Variants in BRINP3 observed in about 807,000 individuals in gnomAD.
BRINP3 encodes BMP/retinoic acid-inducible neural-specific protein 3.
A neutral mutation model predicts 71.0 loss-of-function variants in BRINP3; 19 were observed. That is an observed-to-expected ratio of 0.27 (90% CI 0.19 to 0.39). BRINP3 has a LOEUF of 0.39. Among genes scored for constraint, BRINP3 ranks in the 10% least tolerant of loss-of-function variants. BRINP3 has a pLI of 1.00. For missense variants in BRINP3, 959 were observed against 940.8 expected, an observed-to-expected ratio of 1.02 and a Z score of -0.25; for synonymous variants, 380 against 337.7, an observed-to-expected ratio of 1.13 and a Z score of -1.37.
chr1:190,154,633 T>A (rs951433716), intron 7 of BRINP3, among the ~76,000 whole-genome samples: 1 of 152,086 alleles, frequency 6.6e-6, no homozygotes, highest in Non-Finnish European at 1.5e-5. Flanking sequence ...CAGAAAGAAA[T>A]GTTTTCAAGA....
chr1:190,179,271 C>T (rs1288478752), intron 6 of BRINP3, among the ~76,000 whole-genome samples: 1 of 152,094 alleles, frequency 6.6e-6, no homozygotes, highest in Non-Finnish European at 1.5e-5. Context: ...AATAGAAACA[C>T]CTTGCCAGGG....
At chr1:190,254,748 A>C (rs1660490600) in intron 4 of BRINP3, among the ~76,000 whole-genome samples, 1 of 152,082 alleles carries the variant, frequency 6.6e-6, no homozygotes, top group Non-Finnish European at 1.5e-5. Context: ...TCTTTTCCTA[A>C]TTTGATACCA....
At chr1:190,301,770 C>A (rs1571685371) in intron 2 of BRINP3, among the ~76,000 whole-genome samples, 1 of 151,846 alleles carries the variant, frequency 6.6e-6, no homozygotes, top group East Asian at 1.9e-4. Flanking sequence ...CATAACTATA[C>A]AAAAGTGTTA....
At chr1:190,222,012 A>G (rs1396349327) in intron 6 of BRINP3, among the ~76,000 whole-genome samples, 1 of 152,060 alleles carries the variant, frequency 6.6e-6, no homozygotes, top group Non-Finnish European at 1.5e-5. Flanking sequence ...CATATCATCC[A>G]GACAGAAAAT....
At chr1:190,432,914 T>C (rs2102516314) in intron 2 of BRINP3, among the ~76,000 whole-genome samples, 1 of 152,302 alleles carries the variant, frequency 6.6e-6, no homozygotes, top group South Asian at 2.1e-4. Flanking sequence ...AAACATAGTC[T>C]ATGTTTGCTT....
chr1:190,315,050 A>G (rs964994633), intron 2 of BRINP3, among the ~76,000 whole-genome samples: 5 of 152,120 alleles, frequency 3.3e-5, no homozygotes, highest in African/African-American at 4.8e-5. Context: ...GTGAAGTTTT[A>G]TAAACTCAGA....
intron 2 of BRINP3, among the ~76,000 whole-genome samples, chr1:190,345,350 T>C (rs1047508034): frequency 6.6e-6 from 1 of 151,678 alleles, no homozygotes; most frequent in African/African-American, 2.4e-5. Context: ...ATTGAAGCAA[T>C]AGTTTAGAGC....
intron 2 of BRINP3, among the ~76,000 whole-genome samples, chr1:190,438,503 T>C (rs1350524698): frequency 1.3e-5 from 2 of 151,852 alleles, no homozygotes; most frequent in African/African-American, 4.8e-5. Context: ...GGGAAACTTA[T>C]ACTGTAGCTA....
chr1:190,198,614 T>A (rs970689179), intron 6 of BRINP3, among the ~76,000 whole-genome samples: 1 of 152,132 alleles, frequency 6.6e-6, no homozygotes, highest in Non-Finnish European at 1.5e-5. Flanking sequence ...GTTTCACAAA[T>A]CTCTAGGGCA....
chr1:190,315,011 T>C (rs1006572725), intron 2 of BRINP3, among the ~76,000 whole-genome samples: 2 of 152,110 alleles, frequency 1.3e-5, no homozygotes, highest in African/African-American at 4.8e-5. Context: ...ATAAGGTATG[T>C]GTTTAAGACA....
intron 7 of BRINP3, among the ~76,000 whole-genome samples, chr1:190,141,470 A>T (rs1655424167): frequency 6.6e-6 from 1 of 151,440 alleles, no homozygotes; most frequent in Non-Finnish European, 1.5e-5. Context: ...CAATTTTATA[A>T]CTGTATAACC....
At chr1:190,196,179 T>TA (rs1203348143) in intron 6 of BRINP3, among the ~76,000 whole-genome samples, 10 of 152,288 alleles carry the variant, frequency 6.6e-5, no homozygotes, top group African/African-American at 2.4e-4. Context: ...CTTCCAGGTC[T>TA]CAGTTATGCT....
At chr1:190,393,839 G>A (rs572282875) in intron 2 of BRINP3, among the ~76,000 whole-genome samples, 5 of 151,594 alleles carry the variant, frequency 3.3e-5, no homozygotes, top group African/African-American at 7.2e-5. Context: ...TGCACTCACC[G>A]CAGAATTTCA....
At chr1:190,209,149 T>G (rs1655772396) in intron 6 of BRINP3, among the ~76,000 whole-genome samples, 1 of 152,104 alleles carries the variant, frequency 6.6e-6, no homozygotes, top group Admixed American at 6.6e-5. Context: ...ACCAATCTGT[T>G]TTACTCACAG....
At chr1:190,141,549 TCTTTC>T (rs970305401) in intron 7 of BRINP3, among the ~76,000 whole-genome samples, 2 of 145,054 alleles carry the variant, frequency 1.4e-5, no homozygotes, top group African/African-American at 5.1e-5. Context: ...TCTCTTTCTT[TCTTTC>T]CTTTTTTTTT....
chr1:190,188,286 G>A (rs540635885), intron 6 of BRINP3, among the ~76,000 whole-genome samples: 1 of 152,104 alleles, frequency 6.6e-6, no homozygotes, highest in Non-Finnish European at 1.5e-5. Context: ...AGGATTTTCT[G>A]TACATAGATC....
chr1:190,272,002 A>G (rs1662150174), intron 3 of BRINP3, among the ~76,000 whole-genome samples: 2 of 151,544 alleles, frequency 1.3e-5, no homozygotes, highest in Admixed American at 1.3e-4. Flanking sequence ...ATACAAACCT[A>G]ATACATGTTG....
intron 7 of BRINP3, among the ~76,000 whole-genome samples, chr1:190,159,617 C>T (rs1657168929): frequency 6.6e-6 from 1 of 151,824 alleles, no homozygotes; most frequent in South Asian, 2.1e-4. Flanking sequence ...AGAAAATGTC[C>T]AAAATAGGCA....
At chr1:190,376,184 G>A (rs1670172040) in intron 2 of BRINP3, among the ~76,000 whole-genome samples, 1 of 151,772 alleles carries the variant, frequency 6.6e-6, no homozygotes, top group Admixed American at 6.6e-5. Flanking sequence ...AGTAGCAGCT[G>A]TCTGAGAAAC....
Sources: allele counts gnomAD v4.1 joint callset (sites outside exome capture counted in the v4.1 genomes callset), GRCh38; gene constraint gnomAD v4.1.1; transcripts MANE v1.5; gene names NCBI Gene and HGNC (gene_info 2026-07-23, HGNC 2026-07-21).